LHPP: variants seen among roughly 807,000 people sequenced by gnomAD.
LHPP encodes phospholysine phosphohistidine inorganic pyrophosphate phosphatase, also known as hLHPP.
Under a neutral mutation model 30.3 loss-of-function variants are expected in LHPP, and 24 were observed. That is an observed-to-expected ratio of 0.79 (90% CI 0.57 to 1.11). The LOEUF is 1.11. Among genes scored for constraint, LHPP ranks in the 50% most tolerant of loss-of-function variants. The pLI is 0.00. For missense variants in LHPP, 356 were observed against 367.2 expected (o/e 0.97, Z 0.25); for synonymous variants, 150 against 157.1 (o/e 0.95, Z 0.34).
At chr10:124,520,069 G>T (rs545374456) in intron 6 of LHPP, among the ~76,000 whole-genome samples, 52 of 152,076 alleles carry the variant, frequency 3.4e-4, no homozygotes, top group African/African-American at 1.2e-3. Flanking sequence ...TCCTGACCCC[G>T]TGATCTGCCC....
chr10:124,599,137 C>T (rs1267372981), intron 6 of LHPP, among the ~76,000 whole-genome samples: 1 of 152,004 alleles, frequency 6.6e-6, no homozygotes, highest in Non-Finnish European at 1.5e-5. Flanking sequence ...CCATGTCCAT[C>T]CATCCATTCA....
chr10:124,607,733 G>T (rs1949114221), intron 6 of LHPP, among the ~76,000 whole-genome samples: 1 of 152,208 alleles, frequency 6.6e-6, no homozygotes, highest in South Asian at 2.1e-4. Context: ...TTTGCTGGAA[G>T]AATTTTTGTT....
rs922768390 is a variant in LHPP, at chr10:124,576,531, C to T, written c.717-36733C>T. 1.3e-5 allele frequency among the ~76,000 whole-genome samples: 2 copies of T among 151,572 alleles called. No homozygotes were observed. Among genetic ancestry groups the T allele is most frequent in the Non-Finnish European group, 2.9e-5 (2 of 67,812 alleles). ...TCCCAGACCCCCCTCCATGGCCTGC[C>T]CCCAGATCCCCCTTTGCTGCCACCC... On this transcript the variant is annotated intron_variant, in intron 6 of 6. Transcript: ENST00000368842. The surrounding 1 kb of genome is among the most constrained non-coding windows in gnomAD (Gnocchi z 4.2).
At chr10:124,540,117 CAGGTG>C (rs1239216812) in intron 6 of LHPP, among the ~76,000 whole-genome samples, 1 of 152,200 alleles carries the variant, frequency 6.6e-6, no homozygotes, top group Non-Finnish European at 1.5e-5. Flanking sequence ...GGTTTACCTG[CAGGTG>C]CCCTGGCCCA....
intron 3 of LHPP, chr10:124,489,784 C>A: frequency 5.6e-6 from 1 of 178,330 alleles, no homozygotes; most frequent in East Asian, 1.8e-4. Context: ...TTTTTTTCTG[C>A]TTATAAGTTT....
In LHPP at chr10:124,506,750, G is replaced by T. The variant is rs78550993; in HGVS notation, c.624+8622G>T. 9.8e-3 allele frequency among the ~76,000 whole-genome samples: 479 copies of T among 48,656 alleles called. 28 individuals are homozygous for T. The highest frequency in any genetic ancestry group is 0.015 in the Non-Finnish European group (332 of 22,602). The allele number at this position is 48,656 out of a possible 152,430, so 31.9% of individuals were successfully genotyped here. A position where few individuals can be genotyped will look rare whatever the true frequency, so the allele number is the denominator to read the frequency against. On this transcript the variant is annotated intron_variant, in intron 5 of 6. Transcript: ENST00000368842. ...GGTAAGGAGGATTTCAGGTTGGGGG[G>T]TAGGGAAGATTTCAAGTGGGGTGGG...
chr10:124,540,439 G>C (rs369288379), intron 6 of LHPP, among the ~76,000 whole-genome samples: 7 of 152,236 alleles, frequency 4.6e-5, no homozygotes, highest in African/African-American at 1.7e-4. Flanking sequence ...ACTGCCTGGA[G>C]CCGCTCGCCC....
intron 6 of LHPP, among the ~76,000 whole-genome samples, chr10:124,520,045 G>A (rs1017180792): frequency 1.3e-5 from 2 of 152,004 alleles, no homozygotes; most frequent in Non-Finnish European, 2.9e-5. Flanking sequence ...ATGTTAGCCA[G>A]GATGGTCTCG....
chr10:124,512,312 C>T (rs1787044403), intron 5 of LHPP, among the ~76,000 whole-genome samples: 1 of 152,192 alleles, frequency 6.6e-6, no homozygotes, highest in South Asian at 2.1e-4. Context: ...CCTCATGTTT[C>T]TGTTTCCTTT....
intron 6 of LHPP, among the ~76,000 whole-genome samples, chr10:124,524,248 A>T (rs1954676680): frequency 6.8e-6 from 1 of 147,530 alleles, no homozygotes; most frequent in Admixed American, 6.7e-5. Context: ...AATCTACTTT[A>T]TGTCATACTT....
At chr10:124,530,749 G>T (rs562977758) in intron 6 of LHPP, among the ~76,000 whole-genome samples, 1 of 152,182 alleles carries the variant, frequency 6.6e-6, no homozygotes, top group African/African-American at 2.4e-5. Context: ...CATTCCTCAG[G>T]ACACTGACCC....
Position 124,613,527 on chromosome 10 carries a change from C to A in LHPP, c.*167C>A. On this transcript the variant is annotated 3_prime_UTR_variant, in exon 7 of 7. Coordinates refer to ENST00000368842, the MANE Select transcript of LHPP (RefSeq NM_022126.4). ...CACCTGCCCCAGTGCCCAGACCAAC[C>A]AAGGCCCTGACAGCCCTGCCTTCTG... The A allele has an allele frequency of 1.6e-6, 1 of 634,958 alleles. No individual in the cohort carries two copies. Among genetic ancestry groups the A allele is most frequent in the Non-Finnish European group, 2.9e-6 (1 of 349,470 alleles). 39.3% of individuals were successfully genotyped at this position (634,958 alleles called of 1,614,324 possible).
intron 6 of LHPP, among the ~76,000 whole-genome samples, chr10:124,600,002 AGTGAGGGAGT>A (rs1363420943): frequency 3.9e-5 from 6 of 152,032 alleles, no homozygotes; most frequent in African/African-American, 1.4e-4. Context: ...GCTTTTGCGG[AGTGAGGGAGT>A]GAGAGGGTGT....
At chr10:124,574,931 A>G (rs1332993095) in intron 6 of LHPP, among the ~76,000 whole-genome samples, 1 of 152,144 alleles carries the variant, frequency 6.6e-6, no homozygotes, top group Non-Finnish European at 1.5e-5. Context: ...AAACCCAGCC[A>G]GATGATGCTT....
chr10:124,532,825 C>T (rs1403043574), intron 6 of LHPP, among the ~76,000 whole-genome samples: 3 of 152,198 alleles, frequency 2.0e-5, no homozygotes, highest in Non-Finnish European at 4.4e-5. Context: ...CCAACTGTCC[C>T]TATGGCCCCT....
intron 6 of LHPP, among the ~76,000 whole-genome samples, chr10:124,581,528 A>G (rs1948741819): frequency 6.6e-6 from 1 of 152,184 alleles, no homozygotes; most frequent in Non-Finnish European, 1.5e-5. Context: ...TCCCACCAGT[A>G]GTGTATGAGG....
At chr10:124,481,644 G>A (rs1564776410) in intron 1 of LHPP, among the ~76,000 whole-genome samples, 1 of 151,772 alleles carries the variant, frequency 6.6e-6, no homozygotes, top group Non-Finnish European at 1.5e-5. Context: ...ACCTCCCAAA[G>A]TGCTGGGGTT....
At chr10:124,470,740 A>G (rs979662441) in intron 1 of LHPP, among the ~76,000 whole-genome samples, 1 of 152,126 alleles carries the variant, frequency 6.6e-6, no homozygotes, top group African/African-American at 2.4e-5. Flanking sequence ...TGCCTCATCC[A>G]ACCCCCACAC....
intron 6 of LHPP, among the ~76,000 whole-genome samples, chr10:124,578,717 C>T (rs970774636): frequency 6.6e-6 from 1 of 152,212 alleles, no homozygotes; most frequent in East Asian, 1.9e-4. Context: ...CCGCGCCACG[C>T]GTCAGAAGCT....
Sources: allele counts gnomAD v4.1 joint callset (sites outside exome capture counted in the v4.1 genomes callset), GRCh38; gene constraint gnomAD v4.1.1; non-coding constraint Gnocchi (gnomAD v3.1); transcripts MANE v1.5; gene names NCBI Gene and HGNC (gene_info 2026-07-23, HGNC 2026-07-21).